LINGO2: variants seen among roughly 807,000 people sequenced by gnomAD.
LINGO2 encodes leucine-rich repeat and immunoglobulin-like domain-containing nogo receptor-interacting protein 2.
A neutral mutation model predicts 30.6 loss-of-function variants in LINGO2; 14 were observed. That is an observed-to-expected ratio of 0.46 (90% CI 0.30 to 0.72). LINGO2 has a LOEUF of 0.72. Ranked by LOEUF, LINGO2 falls within the 30% of genes least tolerant of loss-of-function variation. The probability of loss-of-function intolerance (pLI) is 0.07; values close to 1 mark genes in which losing one functional copy is unlikely to be tolerated. For synonymous variants in LINGO2, 317 were observed against 288.5 expected, an observed-to-expected ratio of 1.10 and a Z score of -1.00; for missense variants, 729 against 751.7, an observed-to-expected ratio of 0.97 and a Z score of 0.35.
At chr9:28,576,093 C>CA (rs1380325551) in intron 1 of LINGO2, among the ~76,000 whole-genome samples, 3 of 152,160 alleles carry the variant, frequency 2.0e-5, no homozygotes, top group Admixed American at 6.6e-5. Flanking sequence ...TCCCAAACAT[C>CA]AAAGCTTAGC....
At chr9:27,976,932 T>A (rs992718044) in intron 5 of LINGO2, among the ~76,000 whole-genome samples, 8 of 152,158 alleles carry the variant, frequency 5.3e-5, no homozygotes, top group Non-Finnish European at 1.2e-4. Context: ...TATTTTTTTT[T>A]AAATCTAAGT....
At chr9:28,819,149 C>T in the LINGO2 span, among the ~76,000 whole-genome samples, 1 of 152,108 alleles carries the variant, frequency 6.6e-6, no homozygotes. Flanking sequence ...TCCATCAGAG[C>T]TTCCCTTCCA....
chr9:28,418,234 T>TA (rs1564187179), intron 2 of LINGO2, among the ~76,000 whole-genome samples: 1 of 151,570 alleles, frequency 6.6e-6, no homozygotes, highest in Non-Finnish European at 1.5e-5. Flanking sequence ...GAATAAGTCC[T>TA]AACTCTGCCA....
At chr9:28,440,380 A>T (rs1824143719) in intron 2 of LINGO2, among the ~76,000 whole-genome samples, 1 of 152,240 alleles carries the variant, frequency 6.6e-6, no homozygotes, top group African/African-American at 2.4e-5. Context: ...CAAGACATTT[A>T]TAAAACGTTC....
chr9:28,082,101 G>A lies in LINGO2; in HGVS notation c.-86-69696C>T, dbSNP rs531528512. ...GCTATCACACTCTCAACTTTGTTTC[G>A]TTGAGGTCTATCTTCCTGCCAGAAG... On this transcript the variant is annotated intron_variant, in intron 4 of 5. Coordinates refer to ENST00000379992, the Ensembl canonical transcript of LINGO2. Among the ~76,000 whole-genome samples the A allele has an allele frequency of 4.6e-4, 70 of 152,018 alleles. 1 individual carries two copies. The highest frequency in any genetic ancestry group is 2.2e-3 in the Admixed American group (34 of 15,256).
chr9:28,558,767 G>C (rs2135540677), intron 1 of LINGO2, among the ~76,000 whole-genome samples: 1 of 152,050 alleles, frequency 6.6e-6, no homozygotes, highest in South Asian at 2.1e-4. Context: ...TACTTACCTA[G>C]TTTCCAGCTT....
chr9:29,040,812 T>C, the LINGO2 span, among the ~76,000 whole-genome samples: 6 of 151,966 alleles, frequency 3.9e-5, no homozygotes, highest in Non-Finnish European at 7.4e-5. Flanking sequence ...AATTAGTTTA[T>C]AATAATAGAG....
chr9:28,276,312 A>G (rs917864786), intron 4 of LINGO2, among the ~76,000 whole-genome samples: 1 of 152,108 alleles, frequency 6.6e-6, no homozygotes, highest in African/African-American at 2.4e-5. Flanking sequence ...TATGGACCAC[A>G]CATATTTTTT....
intron 3 of LINGO2, among the ~76,000 whole-genome samples, chr9:28,340,290 C>T (rs2134385910): frequency 6.6e-6 from 1 of 152,190 alleles, no homozygotes; most frequent in South Asian, 2.1e-4. Context: ...AGCTTTGAAG[C>T]ACAATGTCTC....
the LINGO2 span, among the ~76,000 whole-genome samples, chr9:28,893,900 C>A: frequency 8.6e-5 from 13 of 151,834 alleles, no homozygotes; most frequent in Admixed American, 6.6e-4. Flanking sequence ...ATCCCTCCCC[C>A]CTGCCCCCAC....
the LINGO2 span, among the ~76,000 whole-genome samples, chr9:29,041,939 A>C: frequency 1.3e-5 from 2 of 152,072 alleles, no homozygotes; most frequent in African/African-American, 2.4e-5. Flanking sequence ...AAAGAACTTT[A>C]GATACTCAGC....
rs1019604038 is a variant in LINGO2 at position 28,470,368 on chromosome 9, C to G, written c.-279+5572G>C. Among the ~76,000 whole-genome samples, 13 of 152,192 alleles carry G rather than the reference C, an allele frequency of 8.5e-5. 1 individual carries two copies. The highest frequency in any genetic ancestry group is 3.1e-4 in the African/African-American group (13 of 41,454). On this transcript the variant is annotated intron_variant, in intron 2 of 5. Transcript: ENST00000379992. ...AACATAGTATTAAATTATGCACATA[C>G]AAATTGTCTCAACAACATATCATCC... is the stretch of plus-strand genomic sequence containing the variant.
intron 4 of LINGO2, among the ~76,000 whole-genome samples, chr9:28,223,701 G>C (rs867335394): frequency 6.6e-6 from 1 of 152,174 alleles, no homozygotes; most frequent in African/African-American, 2.4e-5. Context: ...GAAACAGAGA[G>C]TGGGAGACAA....
At chr9:28,376,160 C>A (rs1478510145) in intron 2 of LINGO2, among the ~76,000 whole-genome samples, 1 of 150,686 alleles carries the variant, frequency 6.6e-6, no homozygotes, top group Non-Finnish European at 1.5e-5. Flanking sequence ...GGGTTCAGAT[C>A]CCTTAGTAAT....
At chr9:28,635,250 T>C (rs558232907) in intron 1 of LINGO2, among the ~76,000 whole-genome samples, 2 of 152,196 alleles carry the variant, frequency 1.3e-5, no homozygotes, top group Non-Finnish European at 2.9e-5. Context: ...CTGTAATTAA[T>C]GGCAAAATGC....
intron 1 of LINGO2, among the ~76,000 whole-genome samples, chr9:28,591,629 G>C (rs1357453525): frequency 6.6e-6 from 1 of 152,034 alleles, no homozygotes; most frequent in Non-Finnish European, 1.5e-5. Context: ...GGGTATTTTG[G>C]AGAAGGAAGA....
the LINGO2 span, among the ~76,000 whole-genome samples, chr9:29,149,226 A>C: frequency 1.3e-5 from 2 of 152,266 alleles, no homozygotes; most frequent in Admixed American, 1.3e-4. Context: ...TTTTAACTAC[A>C]TTTTGGTTTA....
intron 4 of LINGO2, among the ~76,000 whole-genome samples, chr9:28,093,867 T>C (rs968499323): frequency 5.3e-5 from 8 of 152,006 alleles, no homozygotes; most frequent in Non-Finnish European, 1.2e-4. Context: ...TATTTAACCA[T>C]TGACAACCAT....
intron 4 of LINGO2, among the ~76,000 whole-genome samples, chr9:28,196,295 C>A (rs1446692778): frequency 2.0e-5 from 3 of 151,478 alleles, no homozygotes; most frequent in Non-Finnish European, 4.4e-5. Flanking sequence ...TTTTAAAAAT[C>A]TGAAAATAAA....
Sources: allele counts gnomAD v4.1 joint callset (sites outside exome capture counted in the v4.1 genomes callset), GRCh38; gene constraint gnomAD v4.1.1; transcripts MANE v1.5; gene names NCBI Gene and HGNC (gene_info 2026-07-23, HGNC 2026-07-21).